The following TUSC3 variants were observed in gnomAD, a reference collection of about 807,000 sequenced individuals.
TUSC3 encodes the protein dolichyl-diphosphooligosaccharide--protein glycosyltransferase subunit TUSC3.
Under a neutral mutation model 44.8 loss-of-function variants are expected in TUSC3, and 45 were observed. That is an observed-to-expected ratio of 1.00 (90% CI 0.79 to 1.29). TUSC3 has a LOEUF of 1.29. Among genes scored for constraint, TUSC3 ranks in the 50% most tolerant of loss-of-function variants. TUSC3 has a pLI of 0.00. For synonymous variants in TUSC3, 212 were observed against 152.9 expected (o/e 1.39, Z -2.85); for missense variants, 519 against 437.9 (o/e 1.19, Z -1.65).
intron 2 of TUSC3, among the ~76,000 whole-genome samples, chr8:15,640,395 A>G (rs530839769): frequency 2.0e-4 from 31 of 152,292 alleles, no homozygotes; most frequent in Non-Finnish European, 4.4e-4. Context: ...AATCTCAACC[A>G]TGAATGTGAC....
rs544022913 is a variant in TUSC3, at chr8:15,417,960, A to C, written n.91+655A>C. On this transcript the variant is annotated intron_variant and non_coding_transcript_variant, in intron 1 of 5. Coordinates refer to the TUSC3 transcript ENST00000503191. ...AAGTTCTTTGCAACATTACAGAAAC[A>C]ATTATTAAAACTCTACATGCCTGGG... is the stretch of plus-strand genomic sequence containing the variant. Among the ~76,000 whole-genome samples, 4 of 152,180 alleles carry C rather than the reference A, an allele frequency of 2.6e-5. No individual in the cohort carries two copies. The South Asian group carries it at 6.2e-4, about 24-fold the overall frequency.
At chr8:15,713,244 G>T (rs565313285) in intron 6 of TUSC3, among the ~76,000 whole-genome samples, 14 of 152,094 alleles carry the variant, frequency 9.2e-5, no homozygotes, top group East Asian at 1.9e-4. Flanking sequence ...GTTTTATGTG[G>T]TTTCTTCTCA....
rs534195703 is a variant in TUSC3, at chr8:15,421,770, C to T, written n.91+4465C>T. On this transcript the variant is annotated intron_variant and non_coding_transcript_variant, in intron 1 of 5. Transcript: ENST00000503191. ...AATGAGGTCTCCACGTCATCTGAGA[C>T]CCTGGATCATAGACCTAATGTGGCA... Among the ~76,000 whole-genome samples the T allele has an allele frequency of 1.3e-4, 20 of 152,198 alleles. 1 individual carries two copies. The South Asian group carries it at 3.7e-3, about 28-fold the overall frequency.
intron 1 of TUSC3, among the ~76,000 whole-genome samples, chr8:15,581,565 G>A (rs1378904090): frequency 6.7e-6 from 1 of 148,566 alleles, no homozygotes; most frequent in African/African-American, 2.5e-5. Context: ...AGGTCTGTTG[G>A]AATACCCTGC....
chr8:15,501,884 A>C (rs1800971521), intron 2 of TUSC3, among the ~76,000 whole-genome samples: 1 of 152,212 alleles, frequency 6.6e-6, no homozygotes. Context: ...TTAATAACAC[A>C]GTCTCTTATC....
At chr8:15,609,273 A>G (rs1320064274) in intron 1 of TUSC3, among the ~76,000 whole-genome samples, 1 of 152,178 alleles carries the variant, frequency 6.6e-6, no homozygotes, top group East Asian at 1.9e-4. Flanking sequence ...GTTACACACA[A>G]TGACTTCTAA....
At chr8:15,521,916 T>C (rs1191560289) in intron 2 of TUSC3, among the ~76,000 whole-genome samples, 2 of 152,260 alleles carry the variant, frequency 1.3e-5, no homozygotes, top group Non-Finnish European at 2.9e-5. Flanking sequence ...TTGTGGTTTC[T>C]GCAATTAAAG....
At chr8:15,641,481 A>G (rs1806369852) in intron 2 of TUSC3, among the ~76,000 whole-genome samples, 1 of 152,100 alleles carries the variant, frequency 6.6e-6, no homozygotes, top group African/African-American at 2.4e-5. Context: ...TGGTGCAGAG[A>G]GTGAGAGGGG....
In TUSC3 at chr8:15,740,093, TAAAA is replaced by T. The variant is rs533324174; in HGVS notation, c.863-3439_863-3436del. Among the ~76,000 whole-genome samples the T allele has an allele frequency of 2.6e-5, 4 of 151,408 alleles. No individual in the cohort carries two copies. The South Asian group carries it at 8.3e-4, about 32-fold the overall frequency. ...ATTTCTTTCAAAAACAATTTTATAA[TAAAA>T]AAAAATCAGAGTAAAGGTGAGAGGA... On this transcript the variant is annotated intron_variant, in intron 7 of 10. Coordinates refer to ENST00000503731, the MANE Select transcript of TUSC3 (RefSeq NM_006765.4).
chr8:15,806,536 T>A, the TUSC3 span: 55 of 1,406,480 alleles, frequency 3.9e-5, no homozygotes, highest in East Asian at 4.8e-4. Flanking sequence ...GCCTGGATCT[T>A]ACAAAATCAC....
rs959992574 is a variant in TUSC3, at chr8:15,766,213, T to G, written c.*2057T>G. 1 of 152,092 alleles carries G rather than the reference T, an allele frequency of 6.6e-6. No homozygotes were observed. Among genetic ancestry groups the G allele is most frequent in the African/African-American group, 2.4e-5 (1 of 41,432 alleles). 9.4% of individuals were successfully genotyped at this position (152,092 alleles called of 1,614,324 possible). Reference sequence around the variant, plus strand: ...GCTGTGGCTTCTCTATAGACAACTGTTACATTAGGGAAGTGATTCTAGAGC... The same window carrying G: ...GCTGTGGCTTCTCTATAGACAACTGGTACATTAGGGAAGTGATTCTAGAGC... On this transcript the variant is annotated 3_prime_UTR_variant, in exon 11 of 11. Transcript: ENST00000503731.
intron 6 of TUSC3, among the ~76,000 whole-genome samples, chr8:15,704,848 G>C (rs2111755): frequency 0.54 from 81,159 of 151,570 alleles, 23,426 homozygotes; most frequent in Non-Finnish European, 0.64. Flanking sequence ...GATAAACTGG[G>C]AATCAAAAGG....
intron 1 of TUSC3, among the ~76,000 whole-genome samples, chr8:15,441,469 T>C (rs1341727037): frequency 6.6e-6 from 1 of 152,170 alleles, no homozygotes; most frequent in Non-Finnish European, 1.5e-5. Context: ...TTTATTAAAT[T>C]CAAAAAGATT....
intron 5 of TUSC3, among the ~76,000 whole-genome samples, chr8:15,666,568 T>C (rs1251173126): frequency 6.6e-6 from 1 of 151,542 alleles, no homozygotes; most frequent in East Asian, 1.9e-4. Flanking sequence ...ATTTATTTCT[T>C]GTGACCATTC....
At chr8:15,739,458 C>T (rs945049948) in intron 7 of TUSC3, among the ~76,000 whole-genome samples, 3 of 151,976 alleles carry the variant, frequency 2.0e-5, no homozygotes, top group Admixed American at 2.0e-4. Context: ...TCCATTTCTG[C>T]CCTGTTAATA....
intron 1 of TUSC3, among the ~76,000 whole-genome samples, chr8:15,423,965 CTTTGT>C (rs1563247127): frequency 2.5e-4 from 3 of 12,036 alleles, no homozygotes; most frequent in Non-Finnish European, 3.8e-4. Flanking sequence ...TACTGTTTTG[CTTTGT>C]TTTTTTTTTT....
chr8:15,663,390 G>C (rs1807513183), intron 5 of TUSC3, among the ~76,000 whole-genome samples: 2 of 151,684 alleles, frequency 1.3e-5, no homozygotes, highest in South Asian at 2.1e-4. Flanking sequence ...CTAATTGTCA[G>C]TTTGTTTCTT....
At chr8:15,571,680 CCT>C (rs1305887103) in intron 1 of TUSC3, among the ~76,000 whole-genome samples, 1 of 152,082 alleles carries the variant, frequency 6.6e-6, no homozygotes, top group Non-Finnish European at 1.5e-5. Context: ...ATGAAAGATT[CCT>C]CTGTTGCATG....
intron 3 of TUSC3, among the ~76,000 whole-genome samples, chr8:15,653,082 T>C (rs1806988492): frequency 6.6e-6 from 1 of 152,236 alleles, no homozygotes; most frequent in Admixed American, 6.5e-5. Context: ...ACACTCATTT[T>C]TCACTTTTTC....
Sources: gnomAD v4.1 joint callset for allele counts (sites outside exome capture counted in the v4.1 genomes callset) on GRCh38, gnomAD v4.1.1 for gene constraint, MANE v1.5 for transcripts, NCBI Gene and HGNC (gene_info 2026-07-23, HGNC 2026-07-21) for gene names.